Variants in BIN3 observed in about 807,000 individuals in gnomAD.
BIN3 encodes bridging integrator 3.
BIN3 carries 41 observed loss-of-function variants against 38.2 expected under a neutral mutation model. That is an observed-to-expected ratio of 1.07 (90% CI 0.84 to 1.39). The LOEUF (loss-of-function observed/expected upper bound fraction) is 1.39. Among genes scored for constraint, BIN3 ranks in the 40% most tolerant of loss-of-function variants. BIN3 has a pLI of 0.00. For synonymous variants in BIN3, 145 were observed against 122.6 expected (o/e 1.18, Z -1.21); for missense variants, 361 against 324.3 (o/e 1.11, Z -0.87).
In BIN3 at chr8:22,623,952, T is replaced by C. The variant is rs1198026114; in HGVS notation, c.578A>G (p.Tyr193Cys). The C allele has an allele frequency of 1.2e-6, 2 of 1,611,840 alleles. No homozygotes were observed. Among genetic ancestry groups the C allele is most frequent in the Non-Finnish European group, 1.7e-6 (2 of 1,179,384 alleles). The change falls in exon 8 of 9, where the codon TAC (tyrosine) becomes TGC (cysteine). Residue 193 changes from tyrosine (Y) to cysteine (C), a missense_variant. Physicochemically the swap from Tyr to Cys is radical, Grantham distance 194 (BLOSUM62 -2). Transcript: ENST00000276416. Reference sequence around the variant, plus strand: ...GAGGGACTCAAAGCTGGGCTGGAAGTAGTCGAGGCGGCTGCCGTAGAAGCG... The same window carrying C: ...GAGGGACTCAAAGCTGGGCTGGAAGCAGTCGAGGCGGCTGCCGTAGAAGCG... ...MPRFYGSRLD[Y>C]FQPSFESLIR... is the part of the protein sequence containing the mutation.
At chr8:22,629,340 C>A (rs2117513084) in intron 6 of BIN3, among the ~76,000 whole-genome samples, 1 of 152,228 alleles carries the variant, frequency 6.6e-6, no homozygotes, top group South Asian at 2.1e-4. Context: ...TGATTCGGGG[C>A]TTTAAGGCAC....
chr8:22,628,143 G>C (rs1024888699), intron 6 of BIN3, among the ~76,000 whole-genome samples: 3 of 152,250 alleles, frequency 2.0e-5, no homozygotes, highest in Non-Finnish European at 4.4e-5. Context: ...GCCATGCCTT[G>C]GTCTGTGCCC....
chr8:22,664,169 T>C (rs2117604596), intron 1 of BIN3, among the ~76,000 whole-genome samples: 1 of 152,378 alleles, frequency 6.6e-6, no homozygotes, highest in Middle Eastern at 3.4e-3. Flanking sequence ...AACAGCTGAC[T>C]CTAAAGCTTA....
At chr8:22,631,603 T>C (rs1802205247) in intron 4 of BIN3, among the ~76,000 whole-genome samples, 1 of 152,240 alleles carries the variant, frequency 6.6e-6, no homozygotes, top group Non-Finnish European at 1.5e-5. Context: ...CCCTTGACCC[T>C]GGGCAGCTGC....
intron 2 of BIN3, among the ~76,000 whole-genome samples, chr8:22,641,202 T>C (rs1415684227): frequency 6.6e-6 from 1 of 151,864 alleles, no homozygotes; most frequent in Non-Finnish European, 1.5e-5. Flanking sequence ...AATGCAAGTA[T>C]AAACACATGT....
intron 1 of BIN3, among the ~76,000 whole-genome samples, chr8:22,647,956 C>T (rs1189432261): frequency 6.7e-6 from 1 of 148,718 alleles, no homozygotes; most frequent in Non-Finnish European, 1.5e-5. Flanking sequence ...GAAACGCCGT[C>T]TCTACTATAA....
At chr8:22,634,046 G>A (rs896737984) in intron 4 of BIN3, among the ~76,000 whole-genome samples, 3 of 152,224 alleles carry the variant, frequency 2.0e-5, no homozygotes, top group African/African-American at 4.8e-5. Flanking sequence ...CCTTGGTTCC[G>A]TAGCAAGCCA....
intron 1 of BIN3, among the ~76,000 whole-genome samples, chr8:22,654,047 T>C (rs1802983866): frequency 6.6e-6 from 1 of 152,212 alleles, no homozygotes; most frequent in East Asian, 1.9e-4. Context: ...ACCTAACTTC[T>C]AGAGGTACTT....
chr8:22,657,303 GA>G (rs1274042554), intron 1 of BIN3, among the ~76,000 whole-genome samples: 8 of 152,162 alleles, frequency 5.3e-5, no homozygotes, highest in Non-Finnish European at 1.2e-4. Flanking sequence ...AAAGAACAAA[GA>G]AAGGTAGTAT....
Position 22,627,187 on chromosome 8 carries a change from G to A in BIN3, c.338+2777C>T, listed in dbSNP as rs1030552077. Among the ~76,000 whole-genome samples the A allele has an allele frequency of 2.6e-5, 4 of 152,308 alleles. No individual in the cohort carries two copies. The East Asian group carries it at 7.7e-4, about 29-fold the overall frequency. Reference sequence around the variant, plus strand: ...TTGCTGATAAATTACAACCACGGTGGGGGGAGGTTGGGTCCTGGGATTGGG... The same window carrying A: ...TTGCTGATAAATTACAACCACGGTGAGGGGAGGTTGGGTCCTGGGATTGGG... On this transcript the variant is annotated intron_variant, in intron 6 of 8. Coordinates refer to ENST00000276416, the MANE Select transcript of BIN3 (RefSeq NM_018688.6).
At chr8:22,652,242 C>A (rs1802925417) in intron 1 of BIN3, among the ~76,000 whole-genome samples, 1 of 151,788 alleles carries the variant, frequency 6.6e-6, no homozygotes, top group African/African-American at 2.4e-5. Context: ...TGTGGTAATT[C>A]TTGGTTGCCT....
At chr8:22,625,598 T>A (rs2404653) in intron 6 of BIN3, 35,411 of 593,034 alleles carry the variant, frequency 0.06, 2,684 homozygotes, top group African/African-American at 0.28. Flanking sequence ...GACCAGGAAT[T>A]TGGTTTTGAG....
At chr8:22,652,094 C>A (rs1802916914) in intron 1 of BIN3, among the ~76,000 whole-genome samples, 1 of 151,410 alleles carries the variant, frequency 6.6e-6, no homozygotes, top group African/African-American at 2.4e-5. Context: ...TTCATGGATG[C>A]CTTATCTCTC....
intron 1 of BIN3, among the ~76,000 whole-genome samples, chr8:22,645,165 CAA>C (rs61368703): frequency 0.1 from 12,223 of 120,190 alleles, 899 homozygotes; most frequent in African/African-American, 0.23. Context: ...ACCCTATCTC[CAA>C]AAAAAAAAAA....
intron 4 of BIN3, among the ~76,000 whole-genome samples, chr8:22,635,815 G>C (rs999783684): frequency 6.6e-6 from 1 of 152,140 alleles, no homozygotes; most frequent in African/African-American, 2.4e-5. Flanking sequence ...GAACCTCAAG[G>C]AATGGTCTCC....
rs1410102920 is a variant in BIN3, at chr8:22,621,179, C to G, written c.*243G>C. The G allele has an allele frequency of 7.5e-6, 4 of 531,700 alleles. No individual in the cohort carries two copies. In the Admixed American group the frequency reaches 1.3e-4, roughly 17 times the overall value. The allele number at this position is 531,700 out of a possible 1,614,324, so 32.9% of individuals were successfully genotyped here. A position where few individuals can be genotyped will look rare whatever the true frequency, so the allele number is the denominator to read the frequency against. On this transcript the variant is annotated 3_prime_UTR_variant, in exon 9 of 9. Coordinates refer to ENST00000276416, the MANE Select transcript of BIN3 (RefSeq NM_018688.6). ...GCCAGGATGCATGCTGGACGGTTCT[C>G]CAAATAAAAAAGCCCCAAGGGTTTG...
At chr8:22,649,854 CA>C (rs1563973846) in intron 1 of BIN3, among the ~76,000 whole-genome samples, 41 of 123,012 alleles carry the variant, frequency 3.3e-4, no homozygotes, top group Admixed American at 1.0e-3. Flanking sequence ...CACACACACA[CA>C]CACCCCCAAA....
At position 22,636,568 on chromosome 8, in the gene BIN3, C is replaced by T. The variant is rs1330803255; in HGVS notation, c.117G>A (p.Arg39=). Residue 39 remains arginine, a synonymous_variant, in exon 4 of 9, where the codon CGG becomes CGA. Transcript: ENST00000276416. ...TCTTCTTCATGTCTTTCTGCAGCCTCCGGGTCTGCTCTTCCAGCCTGCAAG... is the reference window on the plus strand; with the variant it reads ...TCTTCTTCATGTCTTTCTGCAGCCTTCGGGTCTGCTCTTCCAGCCTGCAAG... ...GKLQQLEEQT[R]RLQKDMKKST... The T allele has an allele frequency of 6.4e-7, 1 of 1,552,536 alleles. No homozygotes were observed. The highest frequency in any genetic ancestry group is 1.2e-5 in the South Asian group (1 of 84,104).
chr8:22,658,503 T>C (rs1803130631), intron 1 of BIN3, among the ~76,000 whole-genome samples: 2 of 152,250 alleles, frequency 1.3e-5, no homozygotes, highest in Non-Finnish European at 2.9e-5. Context: ...AACAGCTCTT[T>C]TGCATTTTCA....
Sources: allele counts gnomAD v4.1 joint callset (sites outside exome capture counted in the v4.1 genomes callset), GRCh38; gene constraint gnomAD v4.1.1; transcripts MANE v1.5; gene names NCBI Gene and HGNC (gene_info 2026-07-23, HGNC 2026-07-21).